Variants in KHDRBS2 observed in about 807,000 individuals in gnomAD.
KHDRBS2 encodes KH domain-containing, RNA-binding, signal transduction-associated protein 2.
KHDRBS2 carries 26 observed loss-of-function variants against 44.3 expected under a neutral mutation model. That is an observed-to-expected ratio of 0.59 (90% CI 0.43 to 0.81). KHDRBS2 has a LOEUF of 0.81. KHDRBS2 is among the 40% of genes least tolerant of loss of function. The pLI, the probability that KHDRBS2 is intolerant of heterozygous loss-of-function variation, is 0.00. For synonymous variants in KHDRBS2, 194 were observed against 151.1 expected, an observed-to-expected ratio of 1.28 and a Z score of -2.08; for missense variants, 476 against 433.1, an observed-to-expected ratio of 1.10 and a Z score of -0.88.
chr6:61,776,847 A>G (rs1782112760), intron 6 of KHDRBS2, among the ~76,000 whole-genome samples: 1 of 152,230 alleles, frequency 6.6e-6, no homozygotes, highest in Non-Finnish European at 1.5e-5. Context: ...ACGTATGTTT[A>G]TAGTGGCACT....
intron 6 of KHDRBS2, among the ~76,000 whole-genome samples, chr6:61,834,533 T>C (rs570171094): frequency 3.3e-5 from 5 of 152,042 alleles, no homozygotes; most frequent in African/African-American, 9.6e-5. Flanking sequence ...TAATTCCTTT[T>C]GGTTTAAGGG....
Position 62,273,852 on chromosome 6 carries a change from C to A in KHDRBS2, c.91+12006G>T, listed in dbSNP as rs376377552. Among the ~76,000 whole-genome samples the A allele has an allele frequency of 2.0e-3, 307 of 152,232 alleles. 10 individuals carry two copies. The South Asian group carries it at 0.06, about 30-fold the overall frequency. On this transcript the variant is annotated intron_variant, in intron 1 of 8. Transcript: ENST00000281156. ...ACTGACACTGTCATTAACTAATTACCAATGAGCAACCTAGATAGCCAACTT... is the reference window on the plus strand; with the variant it reads ...ACTGACACTGTCATTAACTAATTACAAATGAGCAACCTAGATAGCCAACTT...
At chr6:61,969,780 G>A (rs1158582669) in intron 4 of KHDRBS2, among the ~76,000 whole-genome samples, 1 of 151,724 alleles carries the variant, frequency 6.6e-6, no homozygotes, top group Non-Finnish European at 1.5e-5. Context: ...AGTGAAATTG[G>A]GTGAAATTAT....
intron 6 of KHDRBS2, among the ~76,000 whole-genome samples, chr6:61,745,585 G>C (rs1260912691): frequency 6.6e-6 from 1 of 152,128 alleles, no homozygotes; most frequent in Non-Finnish European, 1.5e-5. Flanking sequence ...TCACCAGAAA[G>C]AGACAGATAA....
intron 4 of KHDRBS2, among the ~76,000 whole-genome samples, chr6:61,976,962 T>C (rs1012901815): frequency 2.6e-5 from 4 of 152,170 alleles, no homozygotes; most frequent in Non-Finnish European, 4.4e-5. Context: ...AGTGTGCATA[T>C]GAAGTTAAGA....
intron 1 of KHDRBS2, among the ~76,000 whole-genome samples, chr6:62,271,389 C>T (rs1739974389): frequency 6.6e-6 from 1 of 152,110 alleles, no homozygotes; most frequent in South Asian, 2.1e-4. Flanking sequence ...GTATAGCACA[C>T]ACAATCATGT....
chr6:62,109,627 G>T lies in KHDRBS2; in HGVS notation c.220-61633C>A, dbSNP rs1584763786. Among the ~76,000 whole-genome samples, 5 of 151,916 alleles carry T rather than the reference G, an allele frequency of 3.3e-5. 1 individual carries two copies. Among genetic ancestry groups the T allele is most frequent in the Admixed American group, 1.3e-4 (2 of 15,210 alleles). Reference sequence around the variant, plus strand: ...TCAATATATAAAAGATCATATAGTGGCAATGAACAATTGAAAAATACAATT... The same window carrying T: ...TCAATATATAAAAGATCATATAGTGTCAATGAACAATTGAAAAATACAATT... On this transcript the variant is annotated intron_variant, in intron 2 of 8. Transcript: ENST00000281156.
chr6:61,550,101 G>A, the KHDRBS2 span, among the ~76,000 whole-genome samples: 25,943 of 151,932 alleles, frequency 0.17, 2,409 homozygotes, highest in East Asian at 0.29. Context: ...TGTTATATGG[G>A]TAAATTGCAT....
chr6:62,253,110 C>T (rs1272945647), intron 1 of KHDRBS2, among the ~76,000 whole-genome samples: 3 of 151,936 alleles, frequency 2.0e-5, no homozygotes, highest in Admixed American at 6.6e-5. Context: ...TTACAAAAAA[C>T]AGAGCAGGCT....
chr6:61,861,241 T>C (rs1396654796), intron 6 of KHDRBS2, among the ~76,000 whole-genome samples: 4 of 152,056 alleles, frequency 2.6e-5, no homozygotes, highest in Non-Finnish European at 5.9e-5. Flanking sequence ...GTCAATTATT[T>C]GCTTTTGTTG....
intron 3 of KHDRBS2, among the ~76,000 whole-genome samples, chr6:62,001,648 T>A (rs1778261524): frequency 6.6e-6 from 1 of 152,106 alleles, no homozygotes; most frequent in African/African-American, 2.4e-5. Flanking sequence ...TTAATGCAAG[T>A]CATTCATAGA....
At chr6:62,140,997 A>T (rs1812688708) in intron 2 of KHDRBS2, among the ~76,000 whole-genome samples, 1 of 152,194 alleles carries the variant, frequency 6.6e-6, no homozygotes, top group African/African-American at 2.4e-5. Flanking sequence ...TAATCAGGAT[A>T]ATTCCATCTC....
intron 5 of KHDRBS2, among the ~76,000 whole-genome samples, chr6:61,896,026 T>TC (rs1327793742): frequency 6.6e-6 from 1 of 152,182 alleles, no homozygotes; most frequent in African/African-American, 2.4e-5. Flanking sequence ...AAGAATACTC[T>TC]CCTAGATTGG....
chr6:61,567,899 G>T, the KHDRBS2 span, among the ~76,000 whole-genome samples: 1 of 151,972 alleles, frequency 6.6e-6, no homozygotes, highest in Non-Finnish European at 1.5e-5. Flanking sequence ...CGCCAGGGAT[G>T]ATTCAGAATT....
At chr6:61,774,866 G>A (rs1478174548) in intron 6 of KHDRBS2, among the ~76,000 whole-genome samples, 2 of 152,080 alleles carry the variant, frequency 1.3e-5, no homozygotes, top group Non-Finnish European at 2.9e-5. Context: ...CAATATCCCT[G>A]ATGAACATCA....
At chr6:62,229,123 G>T (rs1208673226) in intron 1 of KHDRBS2, among the ~76,000 whole-genome samples, 1 of 152,124 alleles carries the variant, frequency 6.6e-6, no homozygotes, top group South Asian at 2.1e-4. Flanking sequence ...TAAGTCTGCT[G>T]GTTTGTGGAG....
intron 3 of KHDRBS2, among the ~76,000 whole-genome samples, chr6:62,010,916 G>T (rs1451006681): frequency 6.6e-6 from 1 of 151,486 alleles, no homozygotes; most frequent in African/African-American, 2.4e-5. Flanking sequence ...ATAAAATTAG[G>T]GCCCAAACAT....
chr6:61,653,668 A>G, the KHDRBS2 span, among the ~76,000 whole-genome samples: 1 of 151,926 alleles, frequency 6.6e-6, no homozygotes, highest in Non-Finnish European at 1.5e-5. Flanking sequence ...AAAACGCTCT[A>G]TGGAGGCACA....
At chr6:61,650,070 T>A in the KHDRBS2 span, among the ~76,000 whole-genome samples, 2 of 152,082 alleles carry the variant, frequency 1.3e-5, no homozygotes, top group Non-Finnish European at 2.9e-5. Context: ...CTCATGCATG[T>A]TCTTTTCCAT....
Sources: gnomAD v4.1 joint callset for allele counts (sites outside exome capture counted in the v4.1 genomes callset) on GRCh38, gnomAD v4.1.1 for gene constraint, MANE v1.5 for transcripts, NCBI Gene and HGNC (gene_info 2026-07-23, HGNC 2026-07-21) for gene names.